The following SLC5A1 variants were observed in gnomAD, a reference collection of about 807,000 sequenced individuals.
SLC5A1 encodes the protein solute carrier family 5 member 1.
SLC5A1 carries 42 observed loss-of-function variants against 73.5 expected under a neutral mutation model. The observed-to-expected ratio is 0.57, with a 90% CI of 0.45 to 0.74. The LOEUF (loss-of-function observed/expected upper bound fraction) is 0.74. Ranked by LOEUF, SLC5A1 falls within the 30% of genes least tolerant of loss-of-function variation. SLC5A1 has a pLI of 0.00. For synonymous variants in SLC5A1, 300 were observed against 317.4 expected, an observed-to-expected ratio of 0.95 and a Z score of 0.58; for missense variants, 634 against 855.4, an observed-to-expected ratio of 0.74 and a Z score of 3.23.
chr22:32,049,878 G>A, intron 1 of SLC5A1, 65 bp from the exon 2 acceptor site: 1 of 1,293,550 alleles, frequency 7.7e-7, no homozygotes, highest in Non-Finnish European at 1.1e-6. Context: ...GGGGAGGTAT[G>A]TCCTTTTGGC....
chr22:32,055,572 C>G (rs1385517996), intron 2 of SLC5A1, among the ~76,000 whole-genome samples: 2 of 152,140 alleles, frequency 1.3e-5, no homozygotes, highest in Non-Finnish European at 2.9e-5. Flanking sequence ...GTTCTCACCC[C>G]ACTGTGCCCC....
intron 2 of SLC5A1, among the ~76,000 whole-genome samples, chr22:32,063,028 A>ATATGG (rs1265113996): frequency 2.0e-5 from 3 of 152,060 alleles, no homozygotes; most frequent in Non-Finnish European, 4.4e-5. Flanking sequence ...GTGTCCTCAT[A>ATATGG]TATGGCCTCT....
chr22:32,076,402 T>G (rs776476349), intron 5 of SLC5A1, among the ~76,000 whole-genome samples: 26 of 152,354 alleles, frequency 1.7e-4, no homozygotes, highest in Non-Finnish European at 2.8e-4. Flanking sequence ...GTGCATCTTA[T>G]GCAAATGTGC....
chr22:32,106,658 C>T (rs2094046479), intron 14 of SLC5A1, among the ~76,000 whole-genome samples: 2 of 152,154 alleles, frequency 1.3e-5, no homozygotes, highest in Admixed American at 6.5e-5. Context: ...AAATTTCTCT[C>T]GAAGACCAAT....
chr22:32,100,703 A>T (rs1357711371), intron 12 of SLC5A1, among the ~76,000 whole-genome samples: 6 of 152,184 alleles, frequency 3.9e-5, no homozygotes, highest in Non-Finnish European at 7.3e-5. Context: ...GGCACACCCC[A>T]TGCCCAGCTA....
rs557902438 is a variant in SLC5A1, at chr22:32,046,297, A to C, written c.135+2881A>C. ...CCCCAAGACACTTGCCTTTCTGGGA[A>C]TACTCCCTCCATGGTCCTTACTATC... On this transcript the variant is annotated intron_variant, in intron 1 of 14. Coordinates refer to ENST00000266088, the MANE Select transcript of SLC5A1 (RefSeq NM_000343.4). Among the ~76,000 whole-genome samples, 6 of 151,932 alleles carry C rather than the reference A, an allele frequency of 3.9e-5. No homozygotes were observed. In the South Asian group the frequency reaches 8.4e-4, roughly 21 times the overall value.
At chr22:32,099,462 C>T (rs2149496738) in intron 12 of SLC5A1, 111 bp downstream of exon 12, 1 of 1,064,250 alleles carries the variant, frequency 9.4e-7, no homozygotes. Context: ...CTTGAGCAGA[C>T]ACGGATGTGC....
chr22:32,101,726 A>G lies in SLC5A1; in HGVS notation c.1450-296A>G, dbSNP rs549585895. Among the ~76,000 whole-genome samples the G allele has an allele frequency of 2.0e-5, 3 of 152,320 alleles. No homozygotes were observed. In the East Asian group the frequency reaches 5.8e-4, roughly 29 times the overall value. On this transcript the variant is annotated intron_variant, in intron 12 of 14. Transcript: ENST00000266088. ...TTTTTGGAATCAAGTCTGTAGGTTG[A>G]CATTCTATTCCAGTTATTAGACACT...
At chr22:32,057,538 T>C (rs2093953720) in intron 2 of SLC5A1, among the ~76,000 whole-genome samples, 1 of 152,188 alleles carries the variant, frequency 6.6e-6, no homozygotes, top group African/African-American at 2.4e-5. Context: ...GGTGCTGGCA[T>C]TACAGGCATA....
chr22:32,047,016 G>T (rs565010289), intron 1 of SLC5A1, among the ~76,000 whole-genome samples: 1 of 152,120 alleles, frequency 6.6e-6, no homozygotes, highest in Non-Finnish European at 1.5e-5. Context: ...TTGTAATATG[G>T]TAACACAAAG....
intron 2 of SLC5A1, among the ~76,000 whole-genome samples, chr22:32,064,552 T>C (rs1012291988): frequency 9.3e-5 from 14 of 150,850 alleles, no homozygotes; most frequent in Non-Finnish European, 1.3e-4. Flanking sequence ...CAGAAGGAGG[T>C]AGATGTCTCT....
chr22:32,077,542 G>A (rs1197368126), intron 5 of SLC5A1, among the ~76,000 whole-genome samples: 1 of 152,082 alleles, frequency 6.6e-6, no homozygotes, highest in Non-Finnish European at 1.5e-5. Context: ...CAAAGCTGGT[G>A]CTGCATTCCC....
rs751987106 is a variant in SLC5A1 at position 32,104,878 on chromosome 22, G to C, written c.1758G>C (p.Glu586Asp). 2 of 1,612,734 alleles carry C rather than the reference G, an allele frequency of 1.2e-6. No individual in the cohort carries two copies. Among genetic ancestry groups the C allele is most frequent in the South Asian group, 1.1e-5 (1 of 91,048 alleles). ...EEENIQEGPK[E>D]TIEIETQVPE... ...AGAACATCCAAGAAGGCCCTAAGGA[G>C]ACCATTGAAATAGGTGACTTATGAC... is the stretch of plus-strand genomic sequence containing the variant. Residue 586 changes from glutamate to aspartate, a missense_variant, in exon 14 of 15, where the codon GAG (glutamate) becomes GAC (aspartate). Coordinates refer to ENST00000266088, the MANE Select transcript of SLC5A1 (RefSeq NM_000343.4).
At chr22:32,069,936 T>C (rs2093980046) in intron 5 of SLC5A1, among the ~76,000 whole-genome samples, 1 of 152,162 alleles carries the variant, frequency 6.6e-6, no homozygotes, top group South Asian at 2.1e-4. Context: ...CTCAATTCAC[T>C]GTCCTTTTCC....
chr22:32,086,333 A>T lies in SLC5A1; in HGVS notation c.1129+6A>T, dbSNP rs778073873. The T allele has an allele frequency of 2.7e-4, 434 of 1,596,042 alleles. No homozygotes were observed. Among genetic ancestry groups the T allele is most frequent in the Non-Finnish European group, 3.4e-4 (397 of 1,163,804 alleles). ...GGTGGAGCTCATGCCCAATGGTGAG[A>T]TTCTTTCTTGGGAGGTTGGTAGAGT... On this transcript the variant is annotated splice_donor_region_variant and intron_variant, in intron 10 of 14. Coordinates refer to ENST00000266088, the MANE Select transcript of SLC5A1 (RefSeq NM_000343.4).
intron 10 of SLC5A1, among the ~76,000 whole-genome samples, chr22:32,087,387 A>G (rs1425955566): frequency 6.6e-6 from 1 of 152,222 alleles, no homozygotes; most frequent in African/African-American, 2.4e-5. Flanking sequence ...ATTAAAAAAT[A>G]TTTTTAAAAA....
rs546051785 is a variant in SLC5A1, at chr22:32,070,090, T to G, written c.477+1490T>G. Among the ~76,000 whole-genome samples, 10 of 152,176 alleles carry G rather than the reference T, an allele frequency of 6.6e-5. No homozygotes were observed. The South Asian group carries it at 2.1e-3, about 32-fold the overall frequency. On this transcript the variant is annotated intron_variant, in intron 5 of 14. Transcript: ENST00000266088. Reference sequence around the variant, plus strand: ...CCTGCTGTCCTTGCCAACCTGGAGCTGTAGGTCCACCTTGCAGAGCTGAGA... The same window carrying G: ...CCTGCTGTCCTTGCCAACCTGGAGCGGTAGGTCCACCTTGCAGAGCTGAGA...
chr22:32,092,217 A>G (rs2094019101), intron 11 of SLC5A1, among the ~76,000 whole-genome samples: 1 of 152,154 alleles, frequency 6.6e-6, no homozygotes, highest in Admixed American at 6.5e-5. Context: ...CCATTCCTGA[A>G]TTGCTTCACT....
chr22:32,061,152 G>A (rs1027858787), intron 2 of SLC5A1, among the ~76,000 whole-genome samples: 4 of 152,140 alleles, frequency 2.6e-5, no homozygotes, highest in African/African-American at 7.2e-5. Flanking sequence ...GGCTGGCTGC[G>A]GTGGCTCATG....
Sources: allele counts gnomAD v4.1 joint callset (sites outside exome capture counted in the v4.1 genomes callset), GRCh38; gene constraint gnomAD v4.1.1; transcripts MANE v1.5; gene names NCBI Gene and HGNC (gene_info 2026-07-23, HGNC 2026-07-21).